The following ACVR2B variants were observed in gnomAD, a reference collection of about 807,000 sequenced individuals.
ACVR2B encodes the protein activin A receptor type 2B.
Under a neutral mutation model 65.1 loss-of-function variants are expected in ACVR2B, and 18 were observed. That is an observed-to-expected ratio of 0.28 (90% CI 0.19 to 0.41). The LOEUF (loss-of-function observed/expected upper bound fraction) is 0.41. Ranked by LOEUF, ACVR2B falls within the 10% of genes least tolerant of loss-of-function variation. The pLI, the probability that ACVR2B is intolerant of heterozygous loss-of-function variation, is 1.00. For synonymous variants in ACVR2B, 298 were observed against 277.7 expected, an observed-to-expected ratio of 1.07 and a Z score of -0.73; for missense variants, 482 against 682.7, an observed-to-expected ratio of 0.71 and a Z score of 3.28.
intron 5 of ACVR2B, 137 bp from the exon 6 acceptor site, chr3:38,478,991 G>A (rs746287509): frequency 1.3e-5 from 15 of 1,165,082 alleles, no homozygotes; most frequent in Non-Finnish European, 1.9e-5. Context: ...GCTGAAGCTG[G>A]GAGGCTGGGG....
Position 38,485,806 on chromosome 3 carries a change from A to G in ACVR2B, c.*2474A>G, listed in dbSNP as rs909213520. ...ACCATTTATTTCTTTAAGAAGCTTT[A>G]AAATATTTATTGAAAAGTGCCATAT... On this transcript the variant is annotated 3_prime_UTR_variant, in exon 11 of 11. Coordinates refer to ENST00000352511, the MANE Select transcript of ACVR2B (RefSeq NM_001106.4). 4.6e-5 allele frequency: 7 copies of G among 151,466 alleles called. No individual in the cohort carries two copies. The highest frequency in any genetic ancestry group is 3.4e-3 in the Middle Eastern group (1 of 294). 9.4% of individuals were successfully genotyped at this position (151,466 alleles called of 1,614,324 possible). A position where few individuals can be genotyped will look rare whatever the true frequency, so the allele number is the denominator to read the frequency against.
intron 1 of ACVR2B, among the ~76,000 whole-genome samples, chr3:38,463,945 T>G (rs548777789): frequency 1.3e-5 from 2 of 152,366 alleles, no homozygotes; most frequent in Middle Eastern, 3.4e-3. Context: ...GCTGTGTGTA[T>G]CCACTCCAGG....
At position 38,477,043 on chromosome 3, in the gene ACVR2B, G is replaced by A. The variant is rs969921212; in HGVS notation, c.53-244G>A. ...TTCCTGCCTCCTCCCTTTTGCTTAG[G>A]CCTAGGGGCAGCTGTGATGGGCTGC... On this transcript the variant is annotated intron_variant, in intron 1 of 10. Transcript: ENST00000352511. The surrounding 1 kb of genome is among the most constrained non-coding windows in gnomAD (Gnocchi z 6.7). 8.4e-6 allele frequency: 5 copies of A among 593,148 alleles called. No homozygotes were observed. In the African/African-American group the frequency reaches 9.3e-5, roughly 11 times the overall value. The allele number at this position is 593,148 out of a possible 1,614,324, so 36.7% of individuals were successfully genotyped here. A position where few individuals can be genotyped will look rare whatever the true frequency, so the allele number is the denominator to read the frequency against.
Position 38,470,679 on chromosome 3 carries a change from G to A in ACVR2B, c.53-6608G>A, listed in dbSNP as rs114543079. Among the ~76,000 whole-genome samples, 1,029 of 152,206 alleles carry A rather than the reference G, an allele frequency of 6.8e-3. 3 individuals are homozygous for A. The highest frequency in any genetic ancestry group is 0.012 in the Non-Finnish European group (789 of 68,008). On this transcript the variant is annotated intron_variant, in intron 1 of 10. Coordinates refer to ENST00000352511, the MANE Select transcript of ACVR2B (RefSeq NM_001106.4). ...TAGTAAGAACAGTGACACTAAATAC[G>A]GAACACAAGCAATATGTTAAATTAG...
Position 38,477,857 on chromosome 3 carries a change from C to G in ACVR2B, c.261-4C>G. ...GGGGTATATGGAAAATTCTGTGCCT[C>G]CAGGCAGGAGTGTGTGGCCACTGAG... is the stretch of plus-strand genomic sequence containing the variant. On this transcript the variant is annotated splice_polypyrimidine_tract_variant and splice_region_variant and intron_variant, in intron 2 of 10. Coordinates refer to ENST00000352511, the MANE Select transcript of ACVR2B (RefSeq NM_001106.4). This position sits in a 1 kb window ranked among gnomAD's most constrained non-coding sequence, Gnocchi z 6.7. 1 of 1,613,986 alleles carries G rather than the reference C, an allele frequency of 6.2e-7. No homozygotes were observed. Among genetic ancestry groups the G allele is most frequent in the Non-Finnish European group, 8.5e-7 (1 of 1,179,946 alleles).
At chr3:38,458,720 C>T (rs1335062300) in intron 1 of ACVR2B, among the ~76,000 whole-genome samples, 1 of 152,132 alleles carries the variant, frequency 6.6e-6, no homozygotes, top group African/African-American at 2.4e-5. Flanking sequence ...GACCTGTCAC[C>T]ATGGATTGGG....
chr3:38,482,448 T>C lies in ACVR2B; in HGVS notation c.1232T>C (p.Met411Thr), dbSNP rs1267110187. 1.9e-6 allele frequency: 3 copies of C among 1,612,666 alleles called. No homozygotes were observed. Among genetic ancestry groups the C allele is most frequent in the East Asian group, 4.5e-5 (2 of 44,858 alleles). ...CTCCTAGGACCCGTGGATGAGTACA[T>C]GCTGCCCTTTGAGGAAGAGATTGGC... ...KAADGPVDEYMLPFEEEIGQH... is the reference protein window; with the variant it reads ...KAADGPVDEYTLPFEEEIGQH... Residue 411 changes from methionine (M) to threonine (T), a missense_variant, in exon 10 of 11, where the codon ATG becomes ACG. Transcript: ENST00000352511.
chr3:38,477,973 A>G lies in ACVR2B; in HGVS notation c.370+3A>G, dbSNP rs1322142040. On this transcript the variant is annotated splice_donor_region_variant and intron_variant, in intron 3 of 10. Transcript: ENST00000352511. The surrounding 1 kb of genome is among the most constrained non-coding windows in gnomAD (Gnocchi z 6.7). The stretch of plus-strand genomic sequence containing the variant: ...GCCAGAGGCTGGGGGCCCGGAAGGT[A>G]AGGGGGCAGTGTGGAAGTGGGGCCT... The G allele has an allele frequency of 6.2e-7, 1 of 1,613,898 alleles. No homozygotes were observed. Among genetic ancestry groups the G allele is most frequent in the Admixed American group, 1.7e-5 (1 of 60,020 alleles).
Position 38,479,209 on chromosome 3 carries a change from G to A in ACVR2B, c.748G>A (p.Ala250Thr), listed in dbSNP as rs1374454353. The part of the protein sequence containing the change: ...KHENLLQFIA[A>T]EKRGSNLEVE... Reference sequence around the variant, plus strand: ...CGAGAACCTGCTACAGTTCATTGCTGCCGAGAAGCGAGGCTCCAACCTCGA... The same window carrying A: ...CGAGAACCTGCTACAGTTCATTGCTACCGAGAAGCGAGGCTCCAACCTCGA... Residue 250 changes from alanine to threonine, a missense_variant, in exon 6 of 11, where the codon GCC becomes ACC. Physicochemically the swap from Ala to Thr is moderately conservative, Grantham distance 58 (BLOSUM62 0). This residue lies in a region of ACVR2B where 223 missense variants were observed against 386.3 expected (regional missense o/e 0.58). Coordinates refer to ENST00000352511, the MANE Select transcript of ACVR2B (RefSeq NM_001106.4). 2 of 1,614,072 alleles carry A rather than the reference G, an allele frequency of 1.2e-6. No individual in the cohort carries two copies. Among genetic ancestry groups the A allele is most frequent in the Non-Finnish European group, 1.7e-6 (2 of 1,180,034 alleles).
intron 1 of ACVR2B, among the ~76,000 whole-genome samples, chr3:38,460,392 C>CT (rs1709623734): frequency 1.3e-5 from 2 of 152,204 alleles, no homozygotes; most frequent in Non-Finnish European, 2.9e-5. Flanking sequence ...TCTTCTGACT[C>CT]TATTACATTG....
chr3:38,476,854 G>T, intron 1 of ACVR2B: 1 of 272,778 alleles, frequency 3.7e-6, no homozygotes, highest in South Asian at 5.0e-5. Context: ...AACATACAGT[G>T]ATTCCGATGT....
intron 1 of ACVR2B, among the ~76,000 whole-genome samples, chr3:38,467,587 CA>C (rs879875797): frequency 5.2e-4 from 53 of 101,134 alleles, no homozygotes; most frequent in South Asian, 4.7e-3. Context: ...CCCATCTCTA[CA>C]AAAAAAAAAA....
At chr3:38,468,624 C>T (rs1709771179) in intron 1 of ACVR2B, among the ~76,000 whole-genome samples, 1 of 152,136 alleles carries the variant, frequency 6.6e-6, no homozygotes, top group Non-Finnish European at 1.5e-5. Flanking sequence ...ATTTTTACCC[C>T]ATTCTTTCAA....
chr3:38,482,707 T>C (rs779150506), intron 10 of ACVR2B, 147 bp downstream of exon 10: 184 of 1,211,584 alleles, frequency 1.5e-4, no homozygotes, highest in East Asian at 2.8e-4. Context: ...CCAGGGGTTA[T>C]GGGGAGTGAG....
rs1248052835 is a variant in ACVR2B at position 38,488,314 on chromosome 3, G to C, written c.*4982G>C. On this transcript the variant is annotated 3_prime_UTR_variant, in exon 11 of 11. Transcript: ENST00000352511. ...GCATAGTTCTTTAAGTAAGATTCCA[G>C]ATAGTTGATTTGCAACCAGCAGTCT... is the stretch of plus-strand genomic sequence containing the variant. The C allele has an allele frequency of 1.3e-5, 2 of 152,330 alleles. No individual in the cohort carries two copies. Among genetic ancestry groups the C allele is most frequent in the African/African-American group, 2.4e-5 (1 of 41,576 alleles). The allele number at this position is 152,330 out of a possible 1,614,324, so 9.4% of individuals were successfully genotyped here.
At chr3:38,471,394 T>C (rs1709815017) in intron 1 of ACVR2B, among the ~76,000 whole-genome samples, 1 of 152,254 alleles carries the variant, frequency 6.6e-6, no homozygotes, top group Non-Finnish European at 1.5e-5. Context: ...GGCTGTCATC[T>C]GTTGGGAACT....
Position 38,488,266 on chromosome 3 carries a change from G to A in ACVR2B, c.*4934G>A, listed in dbSNP as rs1279417816. On this transcript the variant is annotated 3_prime_UTR_variant, in exon 11 of 11. Transcript: ENST00000352511. ...ATCTTCTCAGTCTAGATTTGTAAAT[G>A]TTTAATGAATTCAGGGTTATAAGCA... 6.6e-6 allele frequency: 1 copy of A among 152,218 alleles called. No individual in the cohort carries two copies. The highest frequency in any genetic ancestry group is 6.5e-5 in the Admixed American group (1 of 15,284). 9.4% of individuals were successfully genotyped at this position (152,218 alleles called of 1,614,324 possible).
intron 1 of ACVR2B, among the ~76,000 whole-genome samples, chr3:38,464,561 G>T (rs899202062): frequency 7.8e-6 from 1 of 127,574 alleles, no homozygotes; most frequent in Admixed American, 7.6e-5. Flanking sequence ...AAGGCCTAGG[G>T]TGATGATTTT....
At chr3:38,482,103 C>T (rs1710026355) in intron 8 of ACVR2B, 95 bp from the exon 9 acceptor site, 2 of 1,569,546 alleles carry the variant, frequency 1.3e-6, no homozygotes, top group Non-Finnish European at 1.8e-6. Context: ...TCTGTCTTGC[C>T]CGCCATCTGG....
Sources: gnomAD v4.1 joint callset for allele counts (sites outside exome capture counted in the v4.1 genomes callset) on GRCh38, gnomAD v4.1.1 for gene constraint, gnomAD v4.1.1 regional missense constraint, Gnocchi (gnomAD v3.1) non-coding constraint, MANE v1.5 for transcripts, NCBI Gene and HGNC (gene_info 2026-07-23, HGNC 2026-07-21) for gene names.